Variants in SLC24A2 observed in about 807,000 individuals in gnomAD.
SLC24A2 encodes sodium/potassium/calcium exchanger 2.
SLC24A2 carries 36 observed loss-of-function variants against 62.0 expected under a neutral mutation model. That is an observed-to-expected ratio of 0.58 (90% CI 0.44 to 0.77). The LOEUF is 0.77. Ranked by LOEUF, SLC24A2 falls within the 30% of genes least tolerant of loss-of-function variation. The pLI is 0.00. For missense variants in SLC24A2, 846 were observed against 817.9 expected (o/e 1.03, Z -0.42); for synonymous variants, 358 against 294.0 (o/e 1.22, Z -2.23).
At chr9:19,701,303 A>C (rs1037677283) in intron 2 of SLC24A2, among the ~76,000 whole-genome samples, 1 of 152,200 alleles carries the variant, frequency 6.6e-6, no homozygotes, top group African/African-American at 2.4e-5. Flanking sequence ...ATTTTTCCAG[A>C]GTCTTAGCAC....
chr9:19,758,537 CA>C (rs920184439), intron 2 of SLC24A2, among the ~76,000 whole-genome samples: 2 of 151,922 alleles, frequency 1.3e-5, no homozygotes, highest in African/African-American at 4.8e-5. Flanking sequence ...CTTAAACAAA[CA>C]AAAAAAACCC....
At chr9:19,738,845 G>A (rs998235313) in intron 2 of SLC24A2, among the ~76,000 whole-genome samples, 6 of 152,008 alleles carry the variant, frequency 3.9e-5, no homozygotes, top group African/African-American at 1.4e-4. Flanking sequence ...CTAGCCAGGC[G>A]TGGTGGCTCA....
At chr9:20,112,832 C>T in the SLC24A2 span, among the ~76,000 whole-genome samples, 1 of 151,840 alleles carries the variant, frequency 6.6e-6, no homozygotes, top group East Asian at 1.9e-4. Context: ...CCACCCCCCA[C>T]CTCCCCTGCC....
At chr9:19,871,968 GT>G in the SLC24A2 span, among the ~76,000 whole-genome samples, 2 of 152,000 alleles carry the variant, frequency 1.3e-5, no homozygotes, top group African/African-American at 4.8e-5. Flanking sequence ...GTCTTCTTTG[GT>G]TTGGTCCTAG....
chr9:19,755,641 G>A (rs1465667029), intron 2 of SLC24A2, among the ~76,000 whole-genome samples: 1 of 152,140 alleles, frequency 6.6e-6, no homozygotes, highest in Non-Finnish European at 1.5e-5. Context: ...ATTTTCCTCA[G>A]TAAGGTCATC....
At chr9:19,578,506 T>C (rs945450699) in intron 5 of SLC24A2, among the ~76,000 whole-genome samples, 2 of 152,048 alleles carry the variant, frequency 1.3e-5, no homozygotes, top group Non-Finnish European at 2.9e-5. Context: ...GATTCAGATA[T>C]AATGAGTATC....
the SLC24A2 span, among the ~76,000 whole-genome samples, chr9:19,955,828 T>A: frequency 6.6e-6 from 1 of 152,190 alleles, no homozygotes; most frequent in Non-Finnish European, 1.5e-5. Flanking sequence ...ATAACTATAG[T>A]TACTATCTTC....
the SLC24A2 span, among the ~76,000 whole-genome samples, chr9:19,935,735 G>A: frequency 2.6e-5 from 4 of 152,290 alleles, no homozygotes; most frequent in East Asian, 5.8e-4. Context: ...TCCCCCACGT[G>A]TCTGATGTGT....
the SLC24A2 span, among the ~76,000 whole-genome samples, chr9:19,918,780 A>T: frequency 6.6e-6 from 1 of 152,212 alleles, no homozygotes; most frequent in Non-Finnish European, 1.5e-5. Flanking sequence ...GAGAGTCCAC[A>T]TGACCAGCCA....
At chr9:20,113,898 T>C in the SLC24A2 span, among the ~76,000 whole-genome samples, 1 of 152,056 alleles carries the variant, frequency 6.6e-6, no homozygotes, top group Non-Finnish European at 1.5e-5. Context: ...TATAAAACAA[T>C]AGTTTCAGCC....
the SLC24A2 span, among the ~76,000 whole-genome samples, chr9:20,149,441 A>T: frequency 6.6e-6 from 1 of 151,886 alleles, no homozygotes; most frequent in Non-Finnish European, 1.5e-5. Flanking sequence ...AATGATCCTA[A>T]TTTTCCTTAG....
chr9:19,553,037 G>C (rs899914811), intron 7 of SLC24A2, among the ~76,000 whole-genome samples: 3 of 152,098 alleles, frequency 2.0e-5, no homozygotes, highest in Admixed American at 2.0e-4. Flanking sequence ...CAGCCTCCTG[G>C]GGGCCAAGTC....
intron 4 of SLC24A2, among the ~76,000 whole-genome samples, chr9:19,610,186 T>G (rs754561110): frequency 3.3e-5 from 5 of 150,022 alleles, no homozygotes; most frequent in Non-Finnish European, 7.4e-5. Flanking sequence ...AATGAAAAAA[T>G]GTAAATGAAA....
At position 19,678,449 on chromosome 9, in the gene SLC24A2, A is replaced by C. The variant is rs114850589; in HGVS notation, c.931-56150T>G. On this transcript the variant is annotated intron_variant, in intron 2 of 10. Transcript: ENST00000341998. ...GGCAAACCCATGAAATGATTAAAAC[A>C]ACCAAATAAAGCACTAGCCTTTTGA... 8.2e-3 allele frequency among the ~76,000 whole-genome samples: 1,246 copies of C among 152,326 alleles called. 24 individuals carry two copies. Among genetic ancestry groups the C allele is most frequent in the African/African-American group, 0.028 (1,183 of 41,580 alleles).
intron 9 of SLC24A2, among the ~76,000 whole-genome samples, chr9:19,524,319 A>G (rs948781712): frequency 6.6e-6 from 1 of 151,434 alleles, no homozygotes; most frequent in African/African-American, 2.4e-5. Flanking sequence ...CTAATATTAG[A>G]TGCAGGATTG....
the SLC24A2 span, among the ~76,000 whole-genome samples, chr9:20,100,455 C>T: frequency 6.6e-6 from 1 of 152,202 alleles, no homozygotes; most frequent in Non-Finnish European, 1.5e-5. Flanking sequence ...TACTACACAA[C>T]TATATACATC....
chr9:19,690,979 AAG>A (rs1820030556), intron 2 of SLC24A2, among the ~76,000 whole-genome samples: 2 of 152,086 alleles, frequency 1.3e-5, no homozygotes, highest in South Asian at 4.1e-4. Context: ...GCAAAAGAAA[AAG>A]ACAGTGTCAC....
At chr9:20,298,996 G>A in the SLC24A2 span, among the ~76,000 whole-genome samples, 775 of 152,304 alleles carry the variant, frequency 5.1e-3, 7 homozygotes, top group African/African-American at 0.017. Flanking sequence ...GGGTCTGAGA[G>A]ATGGTTTGGG....
chr9:19,841,390 G>A, the SLC24A2 span, among the ~76,000 whole-genome samples: 1 of 152,110 alleles, frequency 6.6e-6, no homozygotes, highest in Non-Finnish European at 1.5e-5. Flanking sequence ...GGATATCTGG[G>A]AAAGAAGCAT....
Sources: gnomAD v4.1 joint callset for allele counts (sites outside exome capture counted in the v4.1 genomes callset) on GRCh38, gnomAD v4.1.1 for gene constraint, MANE v1.5 for transcripts, NCBI Gene and HGNC (gene_info 2026-07-23, HGNC 2026-07-21) for gene names.